FBN3: variants seen among roughly 807,000 people sequenced by gnomAD.
FBN3 encodes the protein fibrillin 3.
A neutral mutation model predicts 330.1 loss-of-function variants in FBN3; 234 were observed. The observed-to-expected ratio is 0.71, with a 90% CI of 0.64 to 0.79. The LOEUF (loss-of-function observed/expected upper bound fraction) is 0.79. FBN3 is among the 30% of genes least tolerant of loss of function. FBN3 has a pLI of 0.00. For synonymous variants in FBN3, 1,458 were observed against 1,517.3 expected, an observed-to-expected ratio of 0.96 and a Z score of 0.91; for missense variants, 3,606 against 3,886.9, an observed-to-expected ratio of 0.93 and a Z score of 1.92.
intron 55 of FBN3, among the ~76,000 whole-genome samples, chr19:8,085,824 G>A (rs889467456): frequency 9.9e-5 from 15 of 151,920 alleles, no homozygotes; most frequent in African/African-American, 2.4e-4. Context: ...GGAGCGTCCC[G>A]CTCTTCCAGT....
Position 8,110,208 on chromosome 19 carries a change from A to G in FBN3, c.4334-455T>C, listed in dbSNP as rs1004026317. Among the ~76,000 whole-genome samples, 3 of 152,238 alleles carry G rather than the reference A, an allele frequency of 2.0e-5. No homozygotes were observed. In the East Asian group the frequency reaches 5.8e-4, roughly 29 times the overall value. ...GTAGCTGGGACTACAGGTGTGCACCACAATGCCCAGCTAATTTTTTATTTT... is the reference window on the plus strand; with the variant it reads ...GTAGCTGGGACTACAGGTGTGCACCGCAATGCCCAGCTAATTTTTTATTTT... On this transcript the variant is annotated intron_variant, in intron 34 of 63. Coordinates refer to ENST00000600128, the MANE Select transcript of FBN3 (RefSeq NM_032447.5).
Position 8,073,306 on chromosome 19 carries a change from G to A in FBN3, c.7703-9C>T. ...GGCACACTCATTCTCATCTGTGGGA[G>A]GAAAGGAGGAGGAGAGGGAGGACGC... On this transcript the variant is annotated splice_polypyrimidine_tract_variant and intron_variant, in intron 61 of 63. Transcript: ENST00000600128. 2 of 1,609,458 alleles carry A rather than the reference G, an allele frequency of 1.2e-6. No homozygotes were observed. Among genetic ancestry groups the A allele is most frequent in the South Asian group, 1.1e-5 (1 of 90,842 alleles).
At chr19:8,108,626 A>T (rs2082502942) in intron 36 of FBN3, among the ~76,000 whole-genome samples, 1 of 152,032 alleles carries the variant, frequency 6.6e-6, no homozygotes, top group African/African-American at 2.4e-5. Flanking sequence ...ACACGCATAC[A>T]CCTGAATAGG....
chr19:8,127,790 C>T (rs1163493622), intron 18 of FBN3, among the ~76,000 whole-genome samples: 1 of 152,188 alleles, frequency 6.6e-6, no homozygotes, highest in African/African-American at 2.4e-5. Context: ...CGAGACCAGC[C>T]TGGCCAACAC....
Position 8,103,637 on chromosome 19 carries a change from A to T in FBN3, c.4864T>A (p.Tyr1622Asn). 1 of 1,613,620 alleles carries T rather than the reference A, an allele frequency of 6.2e-7. No individual in the cohort carries two copies. Among genetic ancestry groups the T allele is most frequent in the Non-Finnish European group, 8.5e-7 (1 of 1,179,716 alleles). Residue 1622 changes from tyrosine to asparagine, a missense_variant, in exon 39 of 64, where the codon TAC becomes AAC. Coordinates refer to ENST00000600128, the MANE Select transcript of FBN3 (RefSeq NM_032447.5). The part of the protein sequence containing the change: ...HSGICGPGTC[Y>N]NTLGNYTCVC... Reference sequence around the variant, plus strand: ...CAGGTGTAGTTCCCCAGGGTGTTGTAGCAGGTGCCAGGGCCACAGATGCCG... The same window carrying T: ...CAGGTGTAGTTCCCCAGGGTGTTGTTGCAGGTGCCAGGGCCACAGATGCCG...
chr19:8,133,542 G>A (rs1472042600), intron 13 of FBN3, among the ~76,000 whole-genome samples: 2 of 151,798 alleles, frequency 1.3e-5, no homozygotes, highest in South Asian at 2.1e-4. Context: ...CCTCCGCCTC[G>A]CGGGTTCAAG....
In FBN3 at chr19:8,131,678, C is replaced by T. The variant is rs1231523577; in HGVS notation, c.1866G>A (p.Gly622=). 1 of 1,614,200 alleles carries T rather than the reference C, an allele frequency of 6.2e-7. No individual in the cohort carries two copies. Among genetic ancestry groups the T allele is most frequent in the Admixed American group, 1.7e-5 (1 of 60,028 alleles). Residue 622 remains glycine, a synonymous_variant, in exon 15 of 64, where the codon GGG becomes GGA. Coordinates refer to ENST00000600128, the MANE Select transcript of FBN3 (RefSeq NM_032447.5). This position sits in a 1 kb window ranked among gnomAD's most constrained non-coding sequence, Gnocchi z 4.5. ...VDTHVRSTCY[G]AIEKGSCARP... is the part of the protein sequence containing the mutation. ...GGGCACAGGAGCCCTTCTCGATGGC[C>T]CCATAGCAGGTGCTGCGCACGTGGG...
At chr19:8,132,063 T>C (rs1318402576) in intron 14 of FBN3, among the ~76,000 whole-genome samples, 1 of 152,130 alleles carries the variant, frequency 6.6e-6, no homozygotes, top group South Asian at 2.1e-4. Flanking sequence ...TTTAAACAAA[T>C]TTTTTAAACG....
At chr19:8,125,067 G>A (rs924374824) in intron 22 of FBN3, among the ~76,000 whole-genome samples, 1 of 152,162 alleles carries the variant, frequency 6.6e-6, no homozygotes, top group Admixed American at 6.6e-5. Flanking sequence ...CTGTACGTGT[G>A]TGGAGGTGGG....
chr19:8,131,896 T>A lies in FBN3; in HGVS notation c.1715-67A>T. ...TCCCTTCCTCTCTCCCCTCCCCATC[T>A]CCCAACATTTCCATCTTCCCAGCCA... On this transcript the variant is annotated intron_variant, in intron 14 of 63. Transcript: ENST00000600128. This position sits in a 1 kb window ranked among gnomAD's most constrained non-coding sequence, Gnocchi z 4.5. The A allele has an allele frequency of 7.1e-7, 1 of 1,417,448 alleles. No individual in the cohort carries two copies. Among genetic ancestry groups the A allele is most frequent in the Non-Finnish European group, 9.3e-7 (1 of 1,075,992 alleles). The allele number at this position is 1,417,448 out of a possible 1,614,324, so 87.8% of individuals were successfully genotyped here.
intron 25 of FBN3, among the ~76,000 whole-genome samples, chr19:8,120,144 TTTCTTTTTC>T (rs2082808684): frequency 1.3e-5 from 2 of 148,914 alleles, no homozygotes; most frequent in African/African-American, 5.0e-5. Flanking sequence ...TTTCTTTTCT[TTTCTTTTTC>T]TTTCTTTCTT....
chr19:8,102,696 G>T, intron 40 of FBN3, 28 bp downstream of exon 40: 1 of 1,601,666 alleles, frequency 6.2e-7, no homozygotes, highest in Non-Finnish European at 8.5e-7. Context: ...GGGCCAGGCT[G>T]GGAAGAAGGT....
rs149893915 is a variant in FBN3, at chr19:8,089,630, G to T, written c.6291C>A (p.Asn2097Lys). 1.2e-5 allele frequency: 19 copies of T among 1,614,072 alleles called. No individual in the cohort carries two copies. The Admixed American group carries it at 3.0e-4, about 25-fold the overall frequency. Residue 2097 changes from asparagine to lysine, a missense_variant, in exon 51 of 64, where the codon AAC becomes AAA. By Grantham distance (94) the Asn-to-Lys change is moderately conservative. Transcript: ENST00000600128. ...ECAENPGVCT[N>K]GVCVNTDGSF... ...ATCCATCGGTGTTGACACAGACGCC[G>T]TTAGTGCAGACGCCAGGGTTCTCTG...
At chr19:8,077,952 C>G (rs2081680272) in intron 59 of FBN3, among the ~76,000 whole-genome samples, 1 of 142,770 alleles carries the variant, frequency 7.0e-6, no homozygotes. Flanking sequence ...TGGCACACAC[C>G]TGTAGTCCTA....
rs2082209939 is a variant in FBN3, at chr19:8,096,436, G to C, written c.5539+8C>G. 8 of 1,612,182 alleles carry C rather than the reference G, an allele frequency of 5.0e-6. No homozygotes were observed. The East Asian group carries it at 1.8e-4, about 36-fold the overall frequency. On this transcript the variant is annotated splice_region_variant and intron_variant, in intron 44 of 63. Transcript: ENST00000600128. This position sits in a 1 kb window ranked among gnomAD's most constrained non-coding sequence, Gnocchi z 4.6. The stretch of plus-strand genomic sequence containing the variant: ...GCTTGAAAAGGAGGGGGAAGATAAG[G>C]GTCTCACCCATGCACAGGGTCTGGT...
intron 14 of FBN3, among the ~76,000 whole-genome samples, chr19:8,132,761 G>T (rs368878648): frequency 6.6e-6 from 1 of 152,148 alleles, no homozygotes. Flanking sequence ...CAAGGTGCTG[G>T]GACTACAGGC....
chr19:8,091,470 C>CT lies in FBN3; in HGVS notation c.6025_6026insA (p.Cys2009Ter). Reference protein sequence around the residue: ...GFVLSDNGHRCFDTRQSFCFT... With the variant: ...GFVLSDNGHR ...TAAGCCCTGTGTGGACTTACCAAAGCAACGGTGCCCATTGTCAGAGAGGAC... is the reference window on the plus strand; with the variant it reads ...TAAGCCCTGTGTGGACTTACCAAAGCTAACGGTGCCCATTGTCAGAGAGGAC... Residue 2009 changes from cysteine (C) to a stop codon, truncating the protein, a stop_gained and frameshift_variant, in exon 48 of 64, where the codon TGC becomes TAGC. Transcript: ENST00000600128. LOFTEE classifies it high-confidence loss of function. 2 of 1,614,176 alleles carry CT rather than the reference C, an allele frequency of 1.2e-6. No homozygotes were observed. Among genetic ancestry groups the CT allele is most frequent in the Non-Finnish European group, 1.7e-6 (2 of 1,180,016 alleles).
chr19:8,122,865 G>A (rs2082885901), intron 24 of FBN3, among the ~76,000 whole-genome samples: 4 of 151,266 alleles, frequency 2.6e-5, no homozygotes, highest in South Asian at 4.2e-4. Context: ...GGGTTTCACC[G>A]TGTTAGCCAG....
chr19:8,145,820 G>A, intron 5 of FBN3, 23 bp downstream of exon 5: 1 of 1,525,402 alleles, frequency 6.6e-7, no homozygotes, highest in Non-Finnish European at 8.9e-7. Flanking sequence ...GTGCAAAGAG[G>A]GGAGTCCCAT....
Sources: gnomAD v4.1 joint callset for allele counts (sites outside exome capture counted in the v4.1 genomes callset) on GRCh38, gnomAD v4.1.1 for gene constraint, Gnocchi (gnomAD v3.1) non-coding constraint, MANE v1.5 for transcripts, NCBI Gene and HGNC (gene_info 2026-07-23, HGNC 2026-07-21) for gene names.